Variants in CABLES1 observed in about 807,000 individuals in gnomAD.
The protein encoded by CABLES1 is Cdk5 and Abl enzyme substrate 1, also known as CDK5 and ABL1 enzyme substrate 1.
Under a neutral mutation model 57.8 loss-of-function variants are expected in CABLES1, and 36 were observed. The ratio of observed to expected loss-of-function variants is 0.62; its 90% confidence interval spans 0.48 to 0.82. The LOEUF is 0.82. Among genes scored for constraint, CABLES1 ranks in the 40% least tolerant of loss-of-function variants. The pLI, the probability that CABLES1 is intolerant of heterozygous loss-of-function variation, is 0.00. For missense variants in CABLES1, 767 were observed against 836.6 expected (o/e 0.92, Z 1.03); for synonymous variants, 374 against 363.0 (o/e 1.03, Z -0.35).
intron 1 of CABLES1, among the ~76,000 whole-genome samples, chr18:23,168,946 A>C (rs1598808986): frequency 1.3e-5 from 2 of 152,372 alleles, no homozygotes; most frequent in East Asian, 1.9e-4. Context: ...ACTGGGCTGC[A>C]TTCCCAGATG....
At position 23,164,261 on chromosome 18, in the gene CABLES1, G is replaced by T. The variant is rs79446359; in HGVS notation, c.846-24577G>T. Reference sequence around the variant, plus strand: ...CAAGTTAGGATTCACCTAGCTCTCCGTAGCCTACAGAGTGTTGTCATCCGG... The same window carrying T: ...CAAGTTAGGATTCACCTAGCTCTCCTTAGCCTACAGAGTGTTGTCATCCGG... On this transcript the variant is annotated intron_variant, in intron 1 of 9. Coordinates refer to ENST00000256925, the MANE Select transcript of CABLES1 (RefSeq NM_001100619.3). Among the ~76,000 whole-genome samples, 644 of 152,304 alleles carry T rather than the reference G, an allele frequency of 4.2e-3. 5 individuals are homozygous for T. The highest frequency in any genetic ancestry group is 0.015 in the African/African-American group (606 of 41,570).
At chr18:23,248,772 C>G (rs1315034319) in intron 7 of CABLES1, among the ~76,000 whole-genome samples, 2 of 152,168 alleles carry the variant, frequency 1.3e-5, no homozygotes, top group Admixed American at 6.5e-5. Context: ...GTGCAGTGAT[C>G]TGAGATCACA....
At chr18:23,215,822 C>T (rs926358110) in intron 4 of CABLES1, among the ~76,000 whole-genome samples, 2 of 151,372 alleles carry the variant, frequency 1.3e-5, no homozygotes, top group East Asian at 1.9e-4. Context: ...GGTGCGATCT[C>T]GGCTCACTGC....
intron 1 of CABLES1, among the ~76,000 whole-genome samples, chr18:23,162,232 G>A (rs896886779): frequency 6.6e-6 from 1 of 151,920 alleles, no homozygotes; most frequent in South Asian, 2.1e-4. Context: ...TTCACATAAG[G>A]CATAAAGGCC....
chr18:23,136,428 C>T lies in CABLES1; in HGVS notation c.666C>T (p.Ala222=), dbSNP rs752013055. Residue 222 remains alanine, a synonymous_variant, in exon 1 of 10, where the codon GCC becomes GCT. Coordinates refer to ENST00000256925, the MANE Select transcript of CABLES1 (RefSeq NM_001100619.3). ...DAFISVQVPA[A]AFLGSGTPGS... is the part of the protein sequence containing the mutation. ...TTATCAGCGTGCAGGTGCCGGCGGC[C>T]GCCTTTTTGGGCTCCGGGACCCCCG... 8 of 1,602,156 alleles carry T rather than the reference C, an allele frequency of 5.0e-6. No homozygotes were observed. Among genetic ancestry groups the T allele is most frequent in the Non-Finnish European group, 6.8e-6 (8 of 1,175,904 alleles).
chr18:23,255,353 CAAAGGCAAA>C (rs2048136600), intron 9 of CABLES1, among the ~76,000 whole-genome samples: 1 of 152,056 alleles, frequency 6.6e-6, no homozygotes, highest in African/African-American at 2.4e-5. Context: ...TCTTCAGTGG[CAAAGGCAAA>C]AAAGCAGAAA....
chr18:23,227,601 G>A (rs1340558840), intron 4 of CABLES1, among the ~76,000 whole-genome samples: 3 of 152,084 alleles, frequency 2.0e-5, no homozygotes, highest in Non-Finnish European at 4.4e-5. Flanking sequence ...TCTGAACTCT[G>A]GAGGCACCTT....
At chr18:23,227,612 C>T (rs571811942) in intron 4 of CABLES1, among the ~76,000 whole-genome samples, 13 of 152,282 alleles carry the variant, frequency 8.5e-5, no homozygotes, top group Non-Finnish European at 1.9e-4. Context: ...GAGGCACCTT[C>T]TGCTTGATGT....
chr18:23,171,098 T>C (rs1187070093), intron 1 of CABLES1, among the ~76,000 whole-genome samples: 1 of 152,222 alleles, frequency 6.6e-6, no homozygotes, highest in African/African-American at 2.4e-5. Flanking sequence ...GCCCGGCCTG[T>C]TCTTTCCTTT....
At chr18:23,172,094 G>A (rs976765031) in intron 1 of CABLES1, among the ~76,000 whole-genome samples, 4 of 152,084 alleles carry the variant, frequency 2.6e-5, no homozygotes, top group African/African-American at 9.7e-5. Context: ...CTAACTTTTT[G>A]TGTATTTTTT....
intron 1 of CABLES1, among the ~76,000 whole-genome samples, chr18:23,150,982 G>C (rs967844393): frequency 2.6e-5 from 4 of 151,068 alleles, no homozygotes; most frequent in Non-Finnish European, 5.9e-5. Context: ...GTCTTTATTA[G>C]AAGCCGCTGG....
chr18:23,244,533 C>G (rs4455073), intron 7 of CABLES1, among the ~76,000 whole-genome samples: 29,669 of 152,250 alleles, frequency 0.19, 3,645 homozygotes, highest in Middle Eastern at 0.29. Flanking sequence ...AGCTGAAATG[C>G]CCATCTGTTG....
chr18:23,176,451 T>C (rs994920339), intron 1 of CABLES1, among the ~76,000 whole-genome samples: 1 of 152,140 alleles, frequency 6.6e-6, no homozygotes, highest in African/African-American at 2.4e-5. Flanking sequence ...CCATTCCTAA[T>C]AGGCCGTAAG....
At chr18:23,219,676 T>A (rs1568073197) in intron 4 of CABLES1, among the ~76,000 whole-genome samples, 1 of 152,192 alleles carries the variant, frequency 6.6e-6, no homozygotes, top group Non-Finnish European at 1.5e-5. Context: ...TTAGCCCTCC[T>A]GAGTCTCAGA....
chr18:23,175,464 C>A (rs889074901), intron 1 of CABLES1, among the ~76,000 whole-genome samples: 4 of 152,060 alleles, frequency 2.6e-5, no homozygotes, highest in Admixed American at 2.6e-4. Context: ...AAAATGACTA[C>A]CTGGAGCTTT....
chr18:23,226,401 CAAAAA>C (rs35135711), intron 4 of CABLES1, among the ~76,000 whole-genome samples: 1 of 131,070 alleles, frequency 7.6e-6, no homozygotes, highest in African/African-American at 2.9e-5. Context: ...GACTTCATCT[CAAAAA>C]AAAAAAAAAA....
intron 3 of CABLES1, among the ~76,000 whole-genome samples, chr18:23,201,192 G>A (rs978073467): frequency 2.0e-5 from 3 of 152,222 alleles, no homozygotes; most frequent in African/African-American, 7.2e-5. Context: ...GCAGGATACA[G>A]ATTTTTTAGT....
At chr18:23,163,824 G>A (rs746154073) in intron 1 of CABLES1, among the ~76,000 whole-genome samples, 16 of 152,126 alleles carry the variant, frequency 1.1e-4, no homozygotes, top group South Asian at 2.1e-4. Flanking sequence ...ATGGAGGAGC[G>A]TGGCTCTCCC....
chr18:23,135,621 C>T lies in CABLES1; in HGVS notation c.-142C>T, dbSNP rs1568038124. 1.2e-5 allele frequency: 8 copies of T among 652,010 alleles called. No individual in the cohort carries two copies. The highest frequency in any genetic ancestry group is 1.5e-5 in the Non-Finnish European group (8 of 526,844). 40.4% of individuals were successfully genotyped at this position (652,010 alleles called of 1,614,324 possible). A position where few individuals can be genotyped will look rare whatever the true frequency, so the allele number is the denominator to read the frequency against. The stretch of plus-strand genomic sequence containing the variant: ...CCGAGGGGCGAGCATGGCCCGCCCG[C>T]GGGGGGGCTGGACCGCCGCGCACGC... On this transcript the variant is annotated 5_prime_UTR_variant, in exon 1 of 10. Coordinates refer to ENST00000256925, the MANE Select transcript of CABLES1 (RefSeq NM_001100619.3).
Sources: allele counts gnomAD v4.1 joint callset (sites outside exome capture counted in the v4.1 genomes callset), GRCh38; gene constraint gnomAD v4.1.1; transcripts MANE v1.5; gene names NCBI Gene and HGNC (gene_info 2026-07-23, HGNC 2026-07-21).